The following PLAAT5 variants were observed in gnomAD, a reference collection of about 807,000 sequenced individuals.
PLAAT5 encodes Ca(2+)-independent N-acyltransferase.
PLAAT5 carries 27 observed loss-of-function variants against 27.8 expected under a neutral mutation model. That is an observed-to-expected ratio of 0.97 (90% CI 0.72 to 1.34). PLAAT5 has a LOEUF of 1.34. Ranked by LOEUF, PLAAT5 falls within the 40% of genes most tolerant of loss-of-function variation. The pLI, the probability that PLAAT5 is intolerant of heterozygous loss-of-function variation, is 0.00. For missense variants in PLAAT5, 368 were observed against 343.8 expected (o/e 1.07, Z -0.56); for synonymous variants, 125 against 136.1 (o/e 0.92, Z 0.57).
intron 3 of PLAAT5, among the ~76,000 whole-genome samples, chr11:63,477,705 C>T (rs1338899225): frequency 6.6e-6 from 1 of 152,150 alleles, no homozygotes; most frequent in Non-Finnish European, 1.5e-5. Flanking sequence ...GAACTCCTGA[C>T]CTCATGATCC....
chr11:63,485,064 T>G (rs987291845), intron 3 of PLAAT5, among the ~76,000 whole-genome samples: 6 of 151,732 alleles, frequency 4.0e-5, no homozygotes, highest in African/African-American at 1.2e-4. Flanking sequence ...AAAAAAATAC[T>G]TAGGAATATA....
chr11:63,477,458 A>T (rs1399171200), intron 3 of PLAAT5, among the ~76,000 whole-genome samples: 1 of 151,710 alleles, frequency 6.6e-6, no homozygotes, highest in Non-Finnish European at 1.5e-5. Context: ...ATCTGCTTAG[A>T]GTTTTTTTCT....
At chr11:63,475,036 C>A (rs2016119598) in intron 3 of PLAAT5, among the ~76,000 whole-genome samples, 1 of 151,978 alleles carries the variant, frequency 6.6e-6, no homozygotes, top group African/African-American at 2.4e-5. Flanking sequence ...GGATTTCAAT[C>A]CCTTCAAATT....
At chr11:63,463,672 A>ACC in intron 5 of PLAAT5, 77 bp from the exon 6 acceptor site, 1 of 1,100,128 alleles carries the variant, frequency 9.1e-7, no homozygotes, top group South Asian at 1.2e-5. Context: ...ACCCCACCAT[A>ACC]CCCATTCAGC....
chr11:63,484,331 CAT>C (rs2016383517), intron 3 of PLAAT5, among the ~76,000 whole-genome samples: 1 of 148,834 alleles, frequency 6.7e-6, no homozygotes, highest in Non-Finnish European at 1.5e-5. Flanking sequence ...CAGGAAAGGA[CAT>C]AAAAAAAAAA....
At chr11:63,468,725 A>AAT (rs1387736290) in intron 3 of PLAAT5, among the ~76,000 whole-genome samples, 3 of 152,168 alleles carry the variant, frequency 2.0e-5, no homozygotes, top group Non-Finnish European at 4.4e-5. Context: ...TGTATCCTCC[A>AAT]ATATATACCC....
At chr11:63,466,005 C>T (rs530601785) in intron 5 of PLAAT5, 105 bp downstream of exon 5, 13 of 1,206,818 alleles carry the variant, frequency 1.1e-5, no homozygotes, top group Admixed American at 9.2e-5. Context: ...ACTAGTATAA[C>T]GAATAATATA....
intron 3 of PLAAT5, among the ~76,000 whole-genome samples, chr11:63,479,991 C>T (rs776588090): frequency 6.6e-6 from 1 of 152,200 alleles, no homozygotes; most frequent in African/African-American, 2.4e-5. Context: ...GACCACAGAC[C>T]CCAATACCTT....
chr11:63,474,554 CT>C (rs1565211282), intron 3 of PLAAT5, among the ~76,000 whole-genome samples: 1 of 152,182 alleles, frequency 6.6e-6, no homozygotes, highest in African/African-American at 2.4e-5. Flanking sequence ...AGTGCTCTCT[CT>C]TTTTTTCTTG....
intron 5 of PLAAT5, among the ~76,000 whole-genome samples, 172 bp from the exon 6 acceptor site, chr11:63,463,767 C>T (rs1396508091): frequency 6.6e-6 from 1 of 152,190 alleles, no homozygotes; most frequent in Non-Finnish European, 1.5e-5. Flanking sequence ...TGACAAGAGA[C>T]CAAGAAAAGC....
intron 1 of PLAAT5, chr11:63,490,640 A>C (rs1193643151): frequency 6.6e-6 from 4 of 610,362 alleles, no homozygotes; most frequent in South Asian, 4.1e-5. Context: ...GCCGGTCTTA[A>C]CACCACCCTC....
rs1313809432 is a variant in PLAAT5, at chr11:63,490,424, A to T, written c.149-91T>A. On this transcript the variant is annotated intron_variant, in intron 1 of 5. Transcript: ENST00000540857. The stretch of plus-strand genomic sequence containing the variant: ...CTACGGAGAGTGGGCTCAGAGCTCT[A>T]GTCTAGCATCGTGCCTGGCCCCTGG... 9 of 1,603,346 alleles carry T rather than the reference A, an allele frequency of 5.6e-6. No individual in the cohort carries two copies. The African/African-American group carries it at 1.2e-4, about 21-fold the overall frequency.
intron 3 of PLAAT5, among the ~76,000 whole-genome samples, chr11:63,477,715 C>T (rs1310354772): frequency 2.0e-5 from 3 of 152,106 alleles, no homozygotes; most frequent in African/African-American, 4.8e-5. Flanking sequence ...CCTCATGATC[C>T]GCCCACATCA....
At chr11:63,480,945 T>C (rs1231723233) in intron 3 of PLAAT5, among the ~76,000 whole-genome samples, 1 of 152,250 alleles carries the variant, frequency 6.6e-6, no homozygotes. Flanking sequence ...TTCAAGCTCT[T>C]TCTTTTATTA....
rs2015734225 is a variant in PLAAT5, at chr11:63,462,092, A to G, written c.*1411T>C. The G allele has an allele frequency of 1.3e-5, 2 of 152,188 alleles. No individual in the cohort carries two copies. The highest frequency in any genetic ancestry group is 2.9e-5 in the Non-Finnish European group (2 of 68,034). The allele number at this position is 152,188 out of a possible 1,614,324, so 9.4% of individuals were successfully genotyped here. A position where few individuals can be genotyped will look rare whatever the true frequency, so the allele number is the denominator to read the frequency against. On this transcript the variant is annotated 3_prime_UTR_variant, in exon 6 of 6. Transcript: ENST00000540857. The stretch of plus-strand genomic sequence containing the variant: ...GTTTGATGAAAGATTAATATGGTCA[A>G]TGAGCTCAAAGTCATCTTCAGATTA...
rs138733563 is a variant in PLAAT5 at position 63,480,610 on chromosome 11, G to A, written c.345+8261C>T. 5.3e-5 allele frequency among the ~76,000 whole-genome samples: 8 copies of A among 152,270 alleles called. No individual in the cohort carries two copies. The East Asian group carries it at 7.7e-4, about 15-fold the overall frequency. ...TCAGCCTTGGTTACAAATTGAAATCGCCTGTGGAGCTTTAAAAAGTTCAGA... is the reference window on the plus strand; with the variant it reads ...TCAGCCTTGGTTACAAATTGAAATCACCTGTGGAGCTTTAAAAAGTTCAGA... On this transcript the variant is annotated intron_variant, in intron 3 of 5. Coordinates refer to ENST00000540857, the MANE Select transcript of PLAAT5 (RefSeq NM_001146729.2).
At chr11:63,480,046 T>C (rs1455928972) in intron 3 of PLAAT5, among the ~76,000 whole-genome samples, 1 of 152,180 alleles carries the variant, frequency 6.6e-6, no homozygotes, top group Non-Finnish European at 1.5e-5. Flanking sequence ...CCATATCTAG[T>C]GGAGGGCAGG....
chr11:63,488,874 A>G lies in PLAAT5; in HGVS notation c.342T>C (p.Ala114=). Residue 114 remains alanine (A), a synonymous_variant, in exon 3 of 6, where the codon GCT becomes GCC. Transcript: ENST00000540857. The stretch of plus-strand genomic sequence containing the variant: ...TGAGAATTCTTGTTACACCTACCTC[A>G]GCTGCTTGCTTTATTAACTTGCCTT... ...ENEGKLIKQA[A]EGKPRPRPGD... is the part of the protein sequence containing the mutation. The G allele has an allele frequency of 6.2e-7, 1 of 1,606,762 alleles. No homozygotes were observed. The highest frequency in any genetic ancestry group is 8.5e-7 in the Non-Finnish European group (1 of 1,173,588).
At chr11:63,488,076 C>T (rs1196101014) in intron 3 of PLAAT5, among the ~76,000 whole-genome samples, 1 of 152,148 alleles carries the variant, frequency 6.6e-6, no homozygotes, top group East Asian at 1.9e-4. Flanking sequence ...GCCCAAGAGG[C>T]AGAGCTTGCA....
Sources: gnomAD v4.1 joint callset for allele counts (sites outside exome capture counted in the v4.1 genomes callset) on GRCh38, gnomAD v4.1.1 for gene constraint, MANE v1.5 for transcripts, NCBI Gene and HGNC (gene_info 2026-07-23, HGNC 2026-07-21) for gene names.